CCDC148: variants seen among roughly 807,000 people sequenced by gnomAD.
The protein encoded by CCDC148 is coiled-coil domain containing 148.
In CCDC148, 89 loss-of-function variants were observed where a neutral mutation model predicts 85.7. That is an observed-to-expected ratio of 1.04 (90% CI 0.87 to 1.24). The LOEUF is 1.24. Among genes scored for constraint, CCDC148 ranks in the 50% most tolerant of loss-of-function variants. CCDC148 has a pLI of 0.00. For missense variants in CCDC148, 692 were observed against 671.7 expected, an observed-to-expected ratio of 1.03 and a Z score of -0.33; for synonymous variants, 230 against 213.9, an observed-to-expected ratio of 1.08 and a Z score of -0.66.
chr2:158,303,592 C>T (rs1355921233), intron 9 of CCDC148, among the ~76,000 whole-genome samples: 1 of 152,174 alleles, frequency 6.6e-6, no homozygotes, highest in African/African-American at 2.4e-5. Flanking sequence ...CTATAATTTA[C>T]TGAGCTCAGT....
intron 10 of CCDC148, among the ~76,000 whole-genome samples, chr2:158,247,766 G>A (rs1688627051): frequency 6.6e-6 from 1 of 152,068 alleles, no homozygotes; most frequent in Admixed American, 6.6e-5. Context: ...TGAGGCAAGA[G>A]AATCACTTGA....
rs918837437 is a variant in CCDC148, at chr2:158,279,122, C to T, written c.1111-28210G>A. On this transcript the variant is annotated intron_variant, in intron 9 of 13. Coordinates refer to ENST00000283233, the MANE Select transcript of CCDC148 (RefSeq NM_138803.4). ...AGAAAGGACATCCACACCAAAAACC[C>T]ATCTGTACATCACCATCATCAAACA... Among the ~76,000 whole-genome samples, 20 of 152,162 alleles carry T rather than the reference C, an allele frequency of 1.3e-4. No individual in the cohort carries two copies. In the East Asian group the frequency reaches 2.3e-3, roughly 18 times the overall value.
At chr2:158,203,318 A>G (rs914099724) in intron 11 of CCDC148, among the ~76,000 whole-genome samples, 4 of 152,200 alleles carry the variant, frequency 2.6e-5, no homozygotes, top group Non-Finnish European at 5.9e-5. Flanking sequence ...TTAGATACTG[A>G]TACAAATAAC....
intron 11 of CCDC148, among the ~76,000 whole-genome samples, chr2:158,204,408 C>T (rs1398625232): frequency 6.6e-6 from 1 of 151,984 alleles, no homozygotes; most frequent in South Asian, 2.1e-4. Context: ...ATGTGATTTC[C>T]AAGACTAAGT....
chr2:158,230,855 C>A (rs1687822152), intron 10 of CCDC148, among the ~76,000 whole-genome samples: 2 of 151,988 alleles, frequency 1.3e-5, no homozygotes, highest in Admixed American at 1.3e-4. Context: ...CAAGAGGGCT[C>A]ATTGAGAGAT....
intron 9 of CCDC148, among the ~76,000 whole-genome samples, chr2:158,296,940 T>G (rs970748001): frequency 1.5e-4 from 23 of 152,212 alleles, no homozygotes; most frequent in Non-Finnish European, 3.1e-4. Context: ...CTGATGCCTA[T>G]GGTTCCTCAG....
Position 158,456,580 on chromosome 2 carries a change from G to T in CCDC148, c.-141C>A. On this transcript the variant is annotated 5_prime_UTR_variant, in exon 1 of 14. Coordinates refer to ENST00000283233, the MANE Select transcript of CCDC148 (RefSeq NM_138803.4). ...TGACGCCAGGGACAAACCCTACCAG[G>T]CACAGTTGGGATTGGCAGTAAGGCA... 2.8e-6 allele frequency: 3 copies of T among 1,058,706 alleles called. No homozygotes were observed. Among genetic ancestry groups the T allele is most frequent in the Non-Finnish European group, 4.0e-6 (3 of 742,196 alleles). The allele number at this position is 1,058,706 out of a possible 1,614,324, so 65.6% of individuals were successfully genotyped here.
chr2:158,354,184 A>G (rs992671521), intron 2 of CCDC148, among the ~76,000 whole-genome samples: 5 of 152,078 alleles, frequency 3.3e-5, no homozygotes, highest in Non-Finnish European at 5.9e-5. Context: ...AAGCAAGAGC[A>G]AACACATTCA....
At position 158,178,859 on chromosome 2, in the gene CCDC148, A is replaced by T; in HGVS notation, c.1488+20T>A. 6.4e-7 allele frequency: 1 copy of T among 1,563,312 alleles called. No homozygotes were observed. The highest frequency in any genetic ancestry group is 8.8e-7 in the Non-Finnish European group (1 of 1,138,442). On this transcript the variant is annotated intron_variant, in intron 12 of 13. Transcript: ENST00000283233. ...TTTTTTTAAAAAAACCACCCATGAA[A>T]ATTTCCAAATGAAAAACACCTGTTT...
At chr2:158,414,023 C>T (rs1686382547) in intron 1 of CCDC148, among the ~76,000 whole-genome samples, 2 of 152,058 alleles carry the variant, frequency 1.3e-5, no homozygotes, top group Admixed American at 6.6e-5. Context: ...GGCAGTGTCA[C>T]CCAAATAGAA....
chr2:158,369,745 T>C (rs1054163613), intron 1 of CCDC148, among the ~76,000 whole-genome samples: 5 of 151,436 alleles, frequency 3.3e-5, no homozygotes, highest in Non-Finnish European at 5.9e-5. Flanking sequence ...CCTTGTCTTG[T>C]GCCAGTTTTC....
At chr2:158,322,564 T>C (rs1257144128) in intron 7 of CCDC148, among the ~76,000 whole-genome samples, 1 of 152,034 alleles carries the variant, frequency 6.6e-6, no homozygotes, top group Non-Finnish European at 1.5e-5. Context: ...CTTCTCCAGT[T>C]TTCTAACTGT....
chr2:158,237,515 C>A (rs1195310626), intron 10 of CCDC148, among the ~76,000 whole-genome samples: 1 of 151,952 alleles, frequency 6.6e-6, no homozygotes, highest in Non-Finnish European at 1.5e-5. Flanking sequence ...CGTATAAGGG[C>A]GGAAACAGAA....
intron 10 of CCDC148, among the ~76,000 whole-genome samples, chr2:158,233,017 C>T (rs114725356): frequency 4.7e-4 from 71 of 152,158 alleles, no homozygotes; most frequent in Admixed American, 9.2e-4. Flanking sequence ...AGAGAATATT[C>T]GGAATGTTTC....
intron 1 of CCDC148, among the ~76,000 whole-genome samples, chr2:158,448,384 G>T (rs190811538): frequency 6.7e-6 from 1 of 150,206 alleles, no homozygotes; most frequent in African/African-American, 2.5e-5. Flanking sequence ...GTCTCATTCT[G>T]TTATCCAGGC....
chr2:158,428,581 A>G (rs1019670203), intron 1 of CCDC148, among the ~76,000 whole-genome samples: 9 of 148,250 alleles, frequency 6.1e-5, no homozygotes, highest in Non-Finnish European at 9.1e-5. Context: ...TGAAACCACA[A>G]TGAGATACCA....
At chr2:158,432,882 TG>T (rs1687419757) in intron 1 of CCDC148, among the ~76,000 whole-genome samples, 1 of 151,506 alleles carries the variant, frequency 6.6e-6, no homozygotes, top group African/African-American at 2.4e-5. Context: ...GACACCAGCC[TG>T]GCCAACATGG....
chr2:158,308,090 C>T (rs6740207), intron 9 of CCDC148, among the ~76,000 whole-genome samples: 8,591 of 152,060 alleles, frequency 0.056, 518 homozygotes, highest in African/African-American at 0.15. Flanking sequence ...ATTGGATATC[C>T]CAATCAAAAC....
rs756919480 is a variant in CCDC148 at position 158,287,851 on chromosome 2, AC to A, written c.1110+21581del. On this transcript the variant is annotated intron_variant, in intron 9 of 13. Transcript: ENST00000283233. ...GTAGGGACTCTATGTGGCAGCTTCA[AC>A]GCCACATTTCTCTTCTGTACTGCCT... Among the ~76,000 whole-genome samples, 13 of 152,292 alleles carry A rather than the reference AC, an allele frequency of 8.5e-5. 2 individuals are homozygous for A. The highest frequency in any genetic ancestry group is 6.5e-4 in the Admixed American group (10 of 15,300).
Sources: allele counts gnomAD v4.1 joint callset (sites outside exome capture counted in the v4.1 genomes callset), GRCh38; gene constraint gnomAD v4.1.1; transcripts MANE v1.5; gene names NCBI Gene and HGNC (gene_info 2026-07-23, HGNC 2026-07-21).